The following FOXO1 variants were observed in gnomAD, a reference collection of about 807,000 sequenced individuals.
The protein encoded by FOXO1 is forkhead box O1.
Under a neutral mutation model 44.1 loss-of-function variants are expected in FOXO1, and 6 were observed. The observed-to-expected ratio is 0.14, with a 90% CI of 0.07 to 0.27. FOXO1 has a LOEUF of 0.27. Among genes scored for constraint, FOXO1 ranks in the 10% least tolerant of loss-of-function variants. The pLI is 1.00. For missense variants in FOXO1, 737 were observed against 888.8 expected, an observed-to-expected ratio of 0.83 and a Z score of 2.17; for synonymous variants, 380 against 362.7, an observed-to-expected ratio of 1.05 and a Z score of -0.54.
chr13:40,595,171 T>C (rs554041800), intron 1 of FOXO1, among the ~76,000 whole-genome samples: 1 of 152,354 alleles, frequency 6.6e-6, no homozygotes, highest in South Asian at 2.1e-4. Flanking sequence ...AGTCAGACTT[T>C]GCTAGAAATG....
At chr13:40,623,765 A>G (rs1440111805) in intron 1 of FOXO1, among the ~76,000 whole-genome samples, 1 of 152,018 alleles carries the variant, frequency 6.6e-6, no homozygotes, top group African/African-American at 2.4e-5. Flanking sequence ...ATCAGAGCGC[A>G]TCCCATAATG....
At chr13:40,635,482 C>T (rs1877117456) in intron 1 of FOXO1, among the ~76,000 whole-genome samples, 1 of 152,188 alleles carries the variant, frequency 6.6e-6, no homozygotes, top group Admixed American at 6.5e-5. Context: ...GCACTGTTTA[C>T]ATCACTGAGT....
chr13:40,659,019 AAAAAG>A (rs1451101943), intron 1 of FOXO1, among the ~76,000 whole-genome samples: 2 of 151,296 alleles, frequency 1.3e-5, no homozygotes, highest in Non-Finnish European at 2.9e-5. Context: ...CTCAAAAAAG[AAAAAG>A]AAAAGAAAAG....
At chr13:40,664,342 G>A (rs1878144303) in intron 1 of FOXO1, among the ~76,000 whole-genome samples, 1 of 152,154 alleles carries the variant, frequency 6.6e-6, no homozygotes, top group Non-Finnish European at 1.5e-5. Context: ...GTGACAGTGA[G>A]AAACTGTCAG....
intron 1 of FOXO1, among the ~76,000 whole-genome samples, chr13:40,637,184 C>T (rs939874240): frequency 1.3e-5 from 2 of 152,140 alleles, no homozygotes; most frequent in African/African-American, 4.8e-5. Flanking sequence ...TGGCTCACGT[C>T]TGTAATCTCA....
chr13:40,623,574 G>C (rs1165090064), intron 1 of FOXO1, among the ~76,000 whole-genome samples: 1 of 152,114 alleles, frequency 6.6e-6, no homozygotes, highest in Non-Finnish European at 1.5e-5. Context: ...AATGTTTGCT[G>C]ACTGTGTCAT....
In FOXO1 at chr13:40,556,951, C is replaced by G. The variant is rs1251981273; in HGVS notation, c.*2098G>C. 6.6e-6 allele frequency: 1 copy of G among 152,138 alleles called. No individual in the cohort carries two copies. Among genetic ancestry groups the G allele is most frequent in the African/African-American group, 2.4e-5 (1 of 41,428 alleles). 9.4% of individuals were successfully genotyped at this position (152,138 alleles called of 1,614,324 possible). Reference sequence around the variant, plus strand: ...ACCCGGGAGGCTGTGCTTAGAGGAACTTGGGTTTCTAAAACCAGCTATGTC... The same window carrying G: ...ACCCGGGAGGCTGTGCTTAGAGGAAGTTGGGTTTCTAAAACCAGCTATGTC... On this transcript the variant is annotated 3_prime_UTR_variant, in exon 3 of 3. Coordinates refer to ENST00000379561, the MANE Select transcript of FOXO1 (RefSeq NM_002015.4).
intron 1 of FOXO1, chr13:40,619,540 C>A: frequency 7.3e-7 from 1 of 1,377,982 alleles, no homozygotes; most frequent in Non-Finnish European, 1.0e-6. Context: ...ATCTGAAATT[C>A]ATGGAGATTA....
intron 1 of FOXO1, chr13:40,618,983 G>T: frequency 1.9e-6 from 1 of 521,044 alleles, no homozygotes; most frequent in South Asian, 1.4e-5. Context: ...ATCTCAGCCT[G>T]ACTCGAGAAA....
At chr13:40,594,413 GGCCCAGGGAGACAAAGTTATTT>G (rs1226463407) in intron 1 of FOXO1, among the ~76,000 whole-genome samples, 2 of 152,176 alleles carry the variant, frequency 1.3e-5, no homozygotes, top group Non-Finnish European at 2.9e-5. Context: ...AGGAAACTGA[GGCCCAGGGAGACAAAGTTATTT>G]GCCCAGTCAC....
In FOXO1 at chr13:40,596,904, C is replaced by T. The variant is rs542556972; in HGVS notation, c.631-36044G>A. On this transcript the variant is annotated intron_variant, in intron 1 of 2. Coordinates refer to ENST00000379561, the MANE Select transcript of FOXO1 (RefSeq NM_002015.4). Reference sequence around the variant, plus strand: ...CTCATCACTGATCCTCCCCCGCCTTCCTACCACCTCCTCTCATCCTCATTC... The same window carrying T: ...CTCATCACTGATCCTCCCCCGCCTTTCTACCACCTCCTCTCATCCTCATTC... Among the ~76,000 whole-genome samples the T allele has an allele frequency of 2.0e-5, 3 of 152,296 alleles. No individual in the cohort carries two copies. The South Asian group carries it at 6.2e-4, about 32-fold the overall frequency.
intron 1 of FOXO1, among the ~76,000 whole-genome samples, chr13:40,646,618 G>A (rs9549246): frequency 0.17 from 25,815 of 151,968 alleles, 2,514 homozygotes; most frequent in South Asian, 0.29. Flanking sequence ...GTTTTGAGAC[G>A]GAGTCTGGCT....
chr13:40,559,665 C>T lies in FOXO1; in HGVS notation c.1826G>A (p.Arg609His), dbSNP rs748924681. The T allele has an allele frequency of 3.7e-6, 6 of 1,614,198 alleles. No homozygotes were observed. The highest frequency in any genetic ancestry group is 4.2e-6 in the Non-Finnish European group (5 of 1,180,042). Residue 609 changes from arginine to histidine, a missense_variant, in exon 2 of 3, where the codon CGC becomes CAC. Around this residue, in one of 7 missense-constraint regions of FOXO1, gnomAD observed 45 missense variants for 78.3 expected, o/e 0.57. Transcript: ENST00000379561. ...GATGGATTCCATGTCACAGTCTAAG[C>T]GCTCAATGAACATGCCATCCAAGTC... ...PSDLDGMFIE[R>H]LDCDMESIIR...
At position 40,657,404 on chromosome 13, in the gene FOXO1, C is replaced by T. The variant is rs548479828; in HGVS notation, c.630+8179G>A. ...CGTGATCTCGGCTAACCGCAACCTC[C>T]ACCCCTCCAACCCCCTGCCCCAAGT... On this transcript the variant is annotated intron_variant, in intron 1 of 2. Coordinates refer to ENST00000379561, the MANE Select transcript of FOXO1 (RefSeq NM_002015.4). Among the ~76,000 whole-genome samples the T allele has an allele frequency of 5.3e-5, 8 of 151,564 alleles. No homozygotes were observed. The East Asian group carries it at 1.6e-3, about 29-fold the overall frequency.
intron 1 of FOXO1, among the ~76,000 whole-genome samples, chr13:40,585,221 T>C (rs1244830650): frequency 6.6e-6 from 1 of 152,194 alleles, no homozygotes; most frequent in Admixed American, 6.5e-5. Context: ...TCATTGTTTT[T>C]CAGAAAGAAA....
chr13:40,631,113 C>T (rs944928466), intron 1 of FOXO1, among the ~76,000 whole-genome samples: 1 of 152,194 alleles, frequency 6.6e-6, no homozygotes, highest in Non-Finnish European at 1.5e-5. Context: ...AGTTCTCAAT[C>T]ATTCAGGGCC....
At chr13:40,614,851 T>C (rs1412083724) in intron 1 of FOXO1, among the ~76,000 whole-genome samples, 1 of 152,220 alleles carries the variant, frequency 6.6e-6, no homozygotes, top group Non-Finnish European at 1.5e-5. Flanking sequence ...GCCAGTTACT[T>C]AACACACTTT....
At chr13:40,589,157 A>C (rs1875280820) in intron 1 of FOXO1, among the ~76,000 whole-genome samples, 1 of 152,200 alleles carries the variant, frequency 6.6e-6, no homozygotes, top group Non-Finnish European at 1.5e-5. Context: ...CCAACTGTCC[A>C]TAAGACAGTC....
At chr13:40,655,736 A>G (rs76579946) in intron 1 of FOXO1, among the ~76,000 whole-genome samples, 11 of 146,136 alleles carry the variant, frequency 7.5e-5, no homozygotes, top group Non-Finnish European at 1.0e-4. Flanking sequence ...TCCACCTCAC[A>G]GGTCTGAGGC....
Sources: gnomAD v4.1 joint callset for allele counts (sites outside exome capture counted in the v4.1 genomes callset) on GRCh38, gnomAD v4.1.1 for gene constraint, gnomAD v4.1.1 regional missense constraint, MANE v1.5 for transcripts, NCBI Gene and HGNC (gene_info 2026-07-23, HGNC 2026-07-21) for gene names.